The following GABBR2 variants were observed in gnomAD, a reference collection of about 807,000 sequenced individuals.
GABBR2 encodes G-protein coupled receptor 51.
GABBR2 carries 23 observed loss-of-function variants against 105.6 expected under a neutral mutation model. The observed-to-expected ratio is 0.22, with a 90% confidence interval of 0.16 to 0.31. GABBR2 has a LOEUF of 0.31. Ranked by LOEUF, GABBR2 falls within the 10% of genes least tolerant of loss-of-function variation. The probability of loss-of-function intolerance (pLI) is 1.00; values close to 1 mark genes in which losing one functional copy is unlikely to be tolerated. For synonymous variants in GABBR2, 478 were observed against 499.7 expected (o/e 0.96, Z 0.58); for missense variants, 734 against 1,245.5 (o/e 0.59, Z 6.18).
chr9:98,425,923 A>G (rs1825677706), intron 7 of GABBR2, among the ~76,000 whole-genome samples: 1 of 152,220 alleles, frequency 6.6e-6, no homozygotes, highest in Non-Finnish European at 1.5e-5. Flanking sequence ...GCAGCGCTGG[A>G]GGATGAGGTT....
chr9:98,447,125 A>C lies in GABBR2; in HGVS notation c.1236+6856T>G, dbSNP rs987207666. The stretch of plus-strand genomic sequence containing the variant: ...CGCCCAGGCTGGAGTGCAGTGGCGC[A>C]ATCTCGGCTCACTGCAAGCTCCGCC... On this transcript the variant is annotated intron_variant, in intron 7 of 18. Transcript: ENST00000259455. Among the ~76,000 whole-genome samples, 16 of 108,890 alleles carry C rather than the reference A, an allele frequency of 1.5e-4. No homozygotes were observed. In the East Asian group the frequency reaches 4.7e-3, roughly 32 times the overall value. The allele number at this position is 108,890 out of a possible 152,430, so 71.4% of individuals were successfully genotyped here.
intron 1 of GABBR2, among the ~76,000 whole-genome samples, chr9:98,622,895 C>T (rs962712619): frequency 7.2e-5 from 11 of 152,152 alleles, no homozygotes; most frequent in African/African-American, 2.7e-4. Context: ...GTAATGGTGG[C>T]TATGTATCAT....
chr9:98,447,184 C>T (rs1339652533), intron 7 of GABBR2, among the ~76,000 whole-genome samples: 1 of 140,218 alleles, frequency 7.1e-6, no homozygotes, highest in African/African-American at 2.6e-5. Flanking sequence ...GCCTCAGCCT[C>T]CCAAGTAGCT....
chr9:98,356,587 TG>T (rs1831487709), intron 13 of GABBR2, among the ~76,000 whole-genome samples: 1 of 152,368 alleles, frequency 6.6e-6, no homozygotes, highest in East Asian at 1.9e-4. Flanking sequence ...ATAGTCACTT[TG>T]GAAGACGGTT....
At chr9:98,491,975 C>T (rs952228065) in intron 4 of GABBR2, among the ~76,000 whole-genome samples, 1 of 152,116 alleles carries the variant, frequency 6.6e-6, no homozygotes, top group Non-Finnish European at 1.5e-5. Flanking sequence ...GGGGACCTGG[C>T]TGGAACATCG....
chr9:98,355,432 A>G (rs771752172), intron 13 of GABBR2, among the ~76,000 whole-genome samples: 7 of 152,354 alleles, frequency 4.6e-5, no homozygotes, highest in Middle Eastern at 3.4e-3. Context: ...TGGACCAGAA[A>G]TGAGCAATTG....
intron 1 of GABBR2, among the ~76,000 whole-genome samples, chr9:98,652,143 T>C (rs1830117500): frequency 6.6e-6 from 1 of 152,224 alleles, no homozygotes; most frequent in Non-Finnish European, 1.5e-5. Context: ...ATATGTATCA[T>C]AGTTACATTA....
intron 13 of GABBR2, among the ~76,000 whole-genome samples, chr9:98,329,812 C>T (rs1202632725): frequency 1.3e-5 from 2 of 151,808 alleles, no homozygotes; most frequent in East Asian, 3.9e-4. Flanking sequence ...GCCATATCTG[C>T]TCCTCTCTCC....
At chr9:98,290,830 A>G in intron 18 of GABBR2, 81 bp from the exon 19 acceptor site, 1 of 969,072 alleles carries the variant, frequency 1.0e-6, no homozygotes, top group South Asian at 2.4e-5. Context: ...GCTTTGGCTA[A>G]AAAAGCTGAT....
At chr9:98,300,423 G>A (rs1034276512) in intron 16 of GABBR2, among the ~76,000 whole-genome samples, 3 of 152,162 alleles carry the variant, frequency 2.0e-5, no homozygotes, top group Admixed American at 6.5e-5. Flanking sequence ...GGGATTACAG[G>A]TGTGAGCCAC....
At chr9:98,457,347 G>A (rs1826342432) in intron 6 of GABBR2, among the ~76,000 whole-genome samples, 1 of 152,190 alleles carries the variant, frequency 6.6e-6, no homozygotes, top group Admixed American at 6.5e-5. Context: ...AAAAGTGGGA[G>A]GTCCAGACTT....
chr9:98,682,245 A>C (rs1157828167), intron 1 of GABBR2, among the ~76,000 whole-genome samples: 2 of 151,454 alleles, frequency 1.3e-5, no homozygotes, highest in East Asian at 3.9e-4. Context: ...AAAAAACAAA[A>C]CAAAAAAAAA....
intron 7 of GABBR2, among the ~76,000 whole-genome samples, chr9:98,415,293 GTGA>G (rs1832668331): frequency 6.6e-6 from 1 of 152,126 alleles, no homozygotes; most frequent in African/African-American, 2.4e-5. Flanking sequence ...TTAAAAAGAT[GTGA>G]TAAGGAGGCA....
At chr9:98,607,719 G>A (rs981294606) in intron 1 of GABBR2, 5 of 767,418 alleles carry the variant, frequency 6.5e-6, no homozygotes, top group Non-Finnish European at 1.2e-5. Context: ...ACTTGAAAGA[G>A]GTTACTAATA....
chr9:98,393,369 A>AT (rs777319229), intron 9 of GABBR2, among the ~76,000 whole-genome samples: 1 of 143,654 alleles, frequency 7.0e-6, no homozygotes, highest in African/African-American at 2.7e-5. Flanking sequence ...CCATCCATCC[A>AT]CACACCCACT....
intron 17 of GABBR2, 32 bp downstream of exon 17, chr9:98,299,192 C>A (rs1830428530): frequency 3.7e-6 from 6 of 1,602,552 alleles, no homozygotes; most frequent in Non-Finnish European, 4.3e-6. Context: ...AACCAAGGTC[C>A]CTACCACATT....
At chr9:98,502,610 C>T (rs1469552415) in intron 3 of GABBR2, among the ~76,000 whole-genome samples, 1 of 152,200 alleles carries the variant, frequency 6.6e-6, no homozygotes, top group Non-Finnish European at 1.5e-5. Context: ...CAGGTAGGGC[C>T]AGTGAACCCC....
intron 2 of GABBR2, among the ~76,000 whole-genome samples, chr9:98,545,167 T>C (rs1828376180): frequency 6.6e-6 from 1 of 152,218 alleles, no homozygotes; most frequent in Non-Finnish European, 1.5e-5. Context: ...AATTGTTGCT[T>C]GAACAACCTC....
intron 6 of GABBR2, among the ~76,000 whole-genome samples, chr9:98,467,315 C>T (rs1826579510): frequency 6.6e-6 from 1 of 152,178 alleles, no homozygotes; most frequent in South Asian, 2.1e-4. Flanking sequence ...GTGTTGGGGC[C>T]ATGATTCAAG....
Sources: gnomAD v4.1 joint callset for allele counts (sites outside exome capture counted in the v4.1 genomes callset) on GRCh38, gnomAD v4.1.1 for gene constraint, MANE v1.5 for transcripts, NCBI Gene and HGNC (gene_info 2026-07-23, HGNC 2026-07-21) for gene names.